Variants in KIAA1217 observed in about 807,000 individuals in gnomAD.
KIAA1217 encodes the protein KIAA1217.
Under a neutral mutation model 163.9 loss-of-function variants are expected in KIAA1217, and 88 were observed. That is an observed-to-expected ratio of 0.54 (90% CI 0.45 to 0.64). The LOEUF (loss-of-function observed/expected upper bound fraction) is 0.64, where lower values mean the gene tolerates loss of function less well. KIAA1217 is among the 30% of genes least tolerant of loss of function. The pLI is 0.00. For synonymous variants in KIAA1217, 903 were observed against 923.1 expected, an observed-to-expected ratio of 0.98 and a Z score of 0.39; for missense variants, 2,372 against 2,475.0, an observed-to-expected ratio of 0.96 and a Z score of 0.88.
rs148895791 is a variant in KIAA1217 at position 23,778,026 on chromosome 10, A to G, written c.-321+82792A>G. On this transcript the variant is annotated intron_variant, in intron 1 of 18. Transcript: ENST00000376462. ...GGTGTGATCTCGGCTCACTGTAACC[A>G]CCGCCTCCGGGTTCAAGTGATTCTC... 1.0e-2 allele frequency among the ~76,000 whole-genome samples: 1,502 copies of G among 150,754 alleles called. 44 individuals are homozygous for G. The highest frequency in any genetic ancestry group is 0.03 in the African/African-American group (1,232 of 40,960).
At chr10:23,697,759 C>G (rs1460248808) in intron 1 of KIAA1217, among the ~76,000 whole-genome samples, 1 of 151,708 alleles carries the variant, frequency 6.6e-6, no homozygotes, top group Non-Finnish European at 1.5e-5. Context: ...CACCTGTGAT[C>G]CCAGCTACTT....
intron 3 of KIAA1217, among the ~76,000 whole-genome samples, chr10:24,418,335 G>A (rs1388581039): frequency 1.3e-5 from 2 of 152,026 alleles, no homozygotes; most frequent in East Asian, 1.9e-4. Flanking sequence ...TTACCAGAGT[G>A]GAAAAGCTAA....
chr10:24,439,789 C>T (rs956906134), intron 5 of KIAA1217, among the ~76,000 whole-genome samples: 2 of 152,086 alleles, frequency 1.3e-5, no homozygotes, highest in South Asian at 4.1e-4. Context: ...CTCCCATGTC[C>T]ACTTTTAAGG....
chr10:24,465,567 C>G (rs1310962769), intron 5 of KIAA1217, among the ~76,000 whole-genome samples: 2 of 152,210 alleles, frequency 1.3e-5, no homozygotes, highest in South Asian at 2.1e-4. Context: ...TCCTTGTCAC[C>G]GTATTCCCAC....
intron 2 of KIAA1217, among the ~76,000 whole-genome samples, chr10:24,096,197 G>A (rs2131701487): frequency 6.6e-6 from 1 of 152,302 alleles, no homozygotes; most frequent in East Asian, 1.9e-4. Flanking sequence ...ACTCCTTAAA[G>A]GTGACCATGG....
At chr10:24,127,851 C>T (rs888411234) in intron 2 of KIAA1217, among the ~76,000 whole-genome samples, 1 of 152,162 alleles carries the variant, frequency 6.6e-6, no homozygotes, top group African/African-American at 2.4e-5. Flanking sequence ...CTTTGAACAT[C>T]CTGTAATTTT....
intron 5 of KIAA1217, among the ~76,000 whole-genome samples, chr10:24,454,945 T>C (rs1019725757): frequency 4.6e-5 from 7 of 152,146 alleles, no homozygotes; most frequent in African/African-American, 1.7e-4. Context: ...CTTCAGAAAT[T>C]TGTTGCAGAT....
At chr10:24,095,551 C>G (rs973868697) in intron 2 of KIAA1217, among the ~76,000 whole-genome samples, 1 of 152,166 alleles carries the variant, frequency 6.6e-6, no homozygotes, top group Non-Finnish European at 1.5e-5. Flanking sequence ...TTCATTTTCT[C>G]AGACCCAAGT....
intron 2 of KIAA1217, among the ~76,000 whole-genome samples, chr10:24,184,342 A>T (rs928638835): frequency 6.6e-6 from 1 of 152,164 alleles, no homozygotes; most frequent in Admixed American, 6.6e-5. Context: ...TGCACTCTTT[A>T]TGTGGCAGTT....
chr10:24,156,388 G>A (rs2064876655), intron 2 of KIAA1217, among the ~76,000 whole-genome samples: 1 of 152,098 alleles, frequency 6.6e-6, no homozygotes, highest in African/African-American at 2.4e-5. Flanking sequence ...TATTTGGTTT[G>A]TTTCCAGTTT....
chr10:24,435,096 A>G lies in KIAA1217; in HGVS notation c.752+1903A>G, dbSNP rs539815707. 2.0e-5 allele frequency among the ~76,000 whole-genome samples: 3 copies of G among 152,284 alleles called. No individual in the cohort carries two copies. The South Asian group carries it at 6.2e-4, about 32-fold the overall frequency. Reference sequence around the variant, plus strand: ...TGCCTCTAGTGCATAATAAATGTAAACTGATCTGTATCTACCAATGATCAC... The same window carrying G: ...TGCCTCTAGTGCATAATAAATGTAAGCTGATCTGTATCTACCAATGATCAC... On this transcript the variant is annotated intron_variant, in intron 4 of 20. Coordinates refer to ENST00000376454, the MANE Select transcript of KIAA1217 (RefSeq NM_019590.5).
At chr10:24,525,085 G>C (rs944688450) in intron 13 of KIAA1217, among the ~76,000 whole-genome samples, 3 of 152,088 alleles carry the variant, frequency 2.0e-5, no homozygotes, top group African/African-American at 7.2e-5. Context: ...GCGGCGGGGT[G>C]GGGGGGCAGA....
chr10:23,808,876 A>C (rs1343391455), intron 1 of KIAA1217, among the ~76,000 whole-genome samples: 1 of 152,148 alleles, frequency 6.6e-6, no homozygotes, highest in East Asian at 1.9e-4. Context: ...ACAACTGTGA[A>C]AATGTATAAT....
At chr10:23,987,400 T>A (rs1846024078) in intron 1 of KIAA1217, among the ~76,000 whole-genome samples, 1 of 138,298 alleles carries the variant, frequency 7.2e-6, no homozygotes, top group African/African-American at 2.6e-5. Flanking sequence ...AAAGCCACCC[T>A]TCTTACTTTT....
At chr10:24,309,256 G>C (rs79924835) in intron 2 of KIAA1217, among the ~76,000 whole-genome samples, 1,607 of 152,090 alleles carry the variant, frequency 0.011, 29 homozygotes, top group East Asian at 0.082. Context: ...CCATCAATAT[G>C]ATGGGGGATG....
chr10:23,914,256 T>G (rs1842552996), intron 1 of KIAA1217, among the ~76,000 whole-genome samples: 1 of 152,150 alleles, frequency 6.6e-6, no homozygotes, highest in Admixed American at 6.6e-5. Context: ...AGGGGTGTGA[T>G]GGGCCACATC....
intron 1 of KIAA1217, among the ~76,000 whole-genome samples, chr10:23,787,677 T>C (rs1468370968): frequency 1.3e-5 from 2 of 152,176 alleles, no homozygotes; most frequent in South Asian, 4.1e-4. Context: ...TCCGCCACAA[T>C]GCTCAAATTT....
chr10:23,725,140 T>C (rs1052084380), intron 1 of KIAA1217, among the ~76,000 whole-genome samples: 2 of 152,250 alleles, frequency 1.3e-5, no homozygotes, highest in African/African-American at 4.8e-5. Flanking sequence ...AGCAGTTTTC[T>C]TCCCTTCTAA....
intron 1 of KIAA1217, among the ~76,000 whole-genome samples, chr10:23,793,984 C>G (rs1836081725): frequency 6.6e-6 from 1 of 152,116 alleles, no homozygotes; most frequent in Non-Finnish European, 1.5e-5. Context: ...TTTAAAAGCA[C>G]CCGGATGCTT....
Sources: allele counts gnomAD v4.1 joint callset (sites outside exome capture counted in the v4.1 genomes callset), GRCh38; gene constraint gnomAD v4.1.1; transcripts MANE v1.5; gene names NCBI Gene and HGNC (gene_info 2026-07-23, HGNC 2026-07-21).